KLF12: variants seen among roughly 807,000 people sequenced by gnomAD.
KLF12 encodes Krueppel-like factor 12.
A neutral mutation model predicts 37.8 loss-of-function variants in KLF12; 9 were observed. The observed-to-expected ratio is 0.24, with a 90% CI of 0.14 to 0.42. The LOEUF (loss-of-function observed/expected upper bound fraction) is 0.42, where lower values mean the gene tolerates loss of function less well. KLF12 is among the 10% of genes least tolerant of loss of function. KLF12 has a pLI of 1.00. For missense variants in KLF12, 411 were observed against 516.0 expected, an observed-to-expected ratio of 0.80 and a Z score of 1.97; for synonymous variants, 208 against 202.1, an observed-to-expected ratio of 1.03 and a Z score of -0.25.
chr13:74,247,145 G>A, the KLF12 span, among the ~76,000 whole-genome samples: 30 of 152,144 alleles, frequency 2.0e-4, no homozygotes, highest in Non-Finnish European at 3.2e-4. Flanking sequence ...AGACAAAGCA[G>A]AGAAAACAAT....
chr13:74,008,460 G>T (rs2138351118), intron 1 of KLF12, among the ~76,000 whole-genome samples: 1 of 152,296 alleles, frequency 6.6e-6, no homozygotes. Flanking sequence ...TTTGTTTGGG[G>T]TTTCTGTTGT....
At position 73,995,014 on chromosome 13, in the gene KLF12, G is replaced by A. The variant is rs1215717622; in HGVS notation, c.9C>T (p.Ile3=). Reference sequence around the variant, plus strand: ...CCTTTATTGTTTTTCTCTTCATATGGATATTCATTCATCCATTTGTTCTTA... The same window carrying A: ...CCTTTATTGTTTTTCTCTTCATATGAATATTCATTCATCCATTTGTTCTTA... Residue 3 remains isoleucine, a synonymous_variant, in exon 2 of 8, where the codon ATC becomes ATT. Transcript: ENST00000377669. 2.5e-6 allele frequency: 4 copies of A among 1,604,410 alleles called. No individual in the cohort carries two copies. Among genetic ancestry groups the A allele is most frequent in the Non-Finnish European group, 3.4e-6 (4 of 1,173,484 alleles).
At chr13:73,956,681 G>T (rs1293964099) in intron 2 of KLF12, among the ~76,000 whole-genome samples, 3 of 152,096 alleles carry the variant, frequency 2.0e-5, no homozygotes, top group South Asian at 2.1e-4. Flanking sequence ...AGCACCTTGG[G>T]AGGCCAAGGC....
At chr13:74,241,971 C>T in the KLF12 span, among the ~76,000 whole-genome samples, 1 of 152,120 alleles carries the variant, frequency 6.6e-6, no homozygotes, top group East Asian at 1.9e-4. Context: ...CTCCTCCCCC[C>T]AGGTACCGAA....
intron 6 of KLF12, among the ~76,000 whole-genome samples, chr13:73,760,805 C>T (rs1879502389): frequency 6.6e-6 from 1 of 152,044 alleles, no homozygotes; most frequent in Admixed American, 6.6e-5. Context: ...CCTTTAAAAC[C>T]TTAAAAATGG....
chr13:73,987,472 T>C lies in KLF12; in HGVS notation c.33+7518A>G, dbSNP rs546324291. On this transcript the variant is annotated intron_variant, in intron 2 of 7. Coordinates refer to ENST00000377669, the MANE Select transcript of KLF12 (RefSeq NM_007249.5). ...CATTTTTATGATCACTCTTGAAAATTTCTGGTAAAATATAATAATTACTTT... is the reference window on the plus strand; with the variant it reads ...CATTTTTATGATCACTCTTGAAAATCTCTGGTAAAATATAATAATTACTTT... 3.3e-5 allele frequency among the ~76,000 whole-genome samples: 5 copies of C among 152,182 alleles called. No homozygotes were observed. The East Asian group carries it at 9.7e-4, about 29-fold the overall frequency.
At chr13:74,246,498 T>C in the KLF12 span, among the ~76,000 whole-genome samples, 1 of 152,238 alleles carries the variant, frequency 6.6e-6, no homozygotes, top group Non-Finnish European at 1.5e-5. Flanking sequence ...GCATTTGCCT[T>C]TTTAAAATAC....
At chr13:73,868,824 A>C (rs1886327763) in intron 3 of KLF12, among the ~76,000 whole-genome samples, 1 of 152,208 alleles carries the variant, frequency 6.6e-6, no homozygotes, top group South Asian at 2.1e-4. Context: ...ATCTGACACA[A>C]ACTCTTCCAC....
At chr13:74,256,196 G>C in the KLF12 span, among the ~76,000 whole-genome samples, 8 of 151,260 alleles carry the variant, frequency 5.3e-5, no homozygotes, top group South Asian at 6.2e-4. Context: ...CTGCTTCAAG[G>C]CTAAGACATA....
At chr13:73,979,757 T>C (rs112976806) in intron 2 of KLF12, among the ~76,000 whole-genome samples, 5 of 152,300 alleles carry the variant, frequency 3.3e-5, no homozygotes, top group African/African-American at 1.2e-4. Context: ...GGGCTGAATT[T>C]TGTCCCTTCA....
At chr13:73,935,448 A>G (rs1200515566) in intron 3 of KLF12, among the ~76,000 whole-genome samples, 2 of 152,022 alleles carry the variant, frequency 1.3e-5, no homozygotes, top group African/African-American at 4.8e-5. Flanking sequence ...GCGACCTCCA[A>G]TGTTAGAGGT....
chr13:74,078,488 C>T (rs913957465), intron 1 of KLF12, among the ~76,000 whole-genome samples: 11 of 152,130 alleles, frequency 7.2e-5, no homozygotes, highest in Non-Finnish European at 1.5e-4. Context: ...TATAAATGGC[C>T]ATACATTTAA....
At chr13:73,700,429 T>C (rs1874467544) in intron 7 of KLF12, among the ~76,000 whole-genome samples, 1 of 151,906 alleles carries the variant, frequency 6.6e-6, no homozygotes, top group African/African-American at 2.4e-5. Context: ...AAAACAGTAA[T>C]TTAATTATCT....
At chr13:73,902,026 A>G (rs1272983148) in intron 3 of KLF12, among the ~76,000 whole-genome samples, 1 of 152,220 alleles carries the variant, frequency 6.6e-6, no homozygotes, top group African/African-American at 2.4e-5. Context: ...CTATAGGTAC[A>G]AAATAGAACT....
chr13:74,181,711 AC>A, the KLF12 span, among the ~76,000 whole-genome samples: 2,152 of 138,444 alleles, frequency 0.016, 47 homozygotes, highest in African/African-American at 0.063. Flanking sequence ...GAAAAAAAAA[AC>A]AAAAAAAAAA....
At chr13:73,739,528 A>C (rs2137879119) in intron 6 of KLF12, among the ~76,000 whole-genome samples, 1 of 152,256 alleles carries the variant, frequency 6.6e-6, no homozygotes, top group South Asian at 2.1e-4. Context: ...GCATAAAATC[A>C]ATAAAAAAAT....
intron 1 of KLF12, among the ~76,000 whole-genome samples, chr13:74,097,910 T>G (rs1876075578): frequency 6.6e-6 from 1 of 152,116 alleles, no homozygotes; most frequent in South Asian, 2.1e-4. Flanking sequence ...TGACCCACCA[T>G]GCAGATATTC....
At chr13:73,865,532 T>C (rs1886129386) in intron 3 of KLF12, among the ~76,000 whole-genome samples, 1 of 152,166 alleles carries the variant, frequency 6.6e-6, no homozygotes, top group African/African-American at 2.4e-5. Flanking sequence ...ACTATCAATG[T>C]ATATCATTTT....
intron 5 of KLF12, among the ~76,000 whole-genome samples, chr13:73,772,349 C>T (rs1185029350): frequency 6.6e-6 from 1 of 152,216 alleles, no homozygotes; most frequent in Non-Finnish European, 1.5e-5. Context: ...GAAGCCAGCA[C>T]TGCAAGGTGA....
Sources: gnomAD v4.1 joint callset for allele counts (sites outside exome capture counted in the v4.1 genomes callset) on GRCh38, gnomAD v4.1.1 for gene constraint, MANE v1.5 for transcripts, NCBI Gene and HGNC (gene_info 2026-07-23, HGNC 2026-07-21) for gene names.